The following RBM8A variants were observed in gnomAD, a reference collection of about 807,000 sequenced individuals.
The protein encoded by RBM8A is RNA-binding protein 8A.
In RBM8A, 8 loss-of-function variants were observed where a neutral mutation model predicts 25.1. The observed-to-expected ratio is 0.32, with a 90% CI of 0.19 to 0.58. The LOEUF (loss-of-function observed/expected upper bound fraction) is 0.58. RBM8A is among the 20% of genes least tolerant of loss of function. RBM8A has a pLI of 0.88. For synonymous variants in RBM8A, 66 were observed against 80.0 expected (o/e 0.82, Z 0.94); for missense variants, 114 against 236.8 (o/e 0.48, Z 3.40).
intron 4 of RBM8A, 36 bp downstream of exon 4, chr1:145,926,446 G>T (rs782603788): frequency 1.2e-6 from 2 of 1,609,664 alleles, no homozygotes; most frequent in Admixed American, 3.4e-5. Context: ...TAAGGCTTAT[G>T]AAAGAAAGGA....
rs1553755200 is a variant in RBM8A, at chr1:145,923,119, CAG to C, written c.*2761_*2762del. 1 of 152,036 alleles carries C rather than the reference CAG, an allele frequency of 6.6e-6. No individual in the cohort carries two copies. The highest frequency in any genetic ancestry group is 6.6e-5 in the Admixed American group (1 of 15,238). 9.4% of individuals were successfully genotyped at this position (152,036 alleles called of 1,614,324 possible). On this transcript the variant is annotated 3_prime_UTR_variant, in exon 6 of 6. Coordinates refer to ENST00000583313, the MANE Select transcript of RBM8A (RefSeq NM_005105.5). The stretch of plus-strand genomic sequence containing the variant: ...TAGTTTTTTGTATCTTTAGTACAGA[CAG>C]GGTTTCACTGTGTTAGCCAGGATGG...
At position 145,922,853 on chromosome 1, in the gene RBM8A, C is replaced by G. The variant is rs1041567900; in HGVS notation, c.*3029G>C. ...TGTTTCTACAGTACGTGGTAAATGGCAATAAAACAGGATAAAGGAAAGATC... is the reference window on the plus strand; with the variant it reads ...TGTTTCTACAGTACGTGGTAAATGGGAATAAAACAGGATAAAGGAAAGATC... On this transcript the variant is annotated 3_prime_UTR_variant, in exon 6 of 6. Coordinates refer to ENST00000583313, the MANE Select transcript of RBM8A (RefSeq NM_005105.5). 4 of 151,482 alleles carry G rather than the reference C, an allele frequency of 2.6e-5. No individual in the cohort carries two copies. The highest frequency in any genetic ancestry group is 4.4e-5 in the Non-Finnish European group (3 of 67,948). The allele number at this position is 151,482 out of a possible 1,614,324, so 9.4% of individuals were successfully genotyped here. A position where few individuals can be genotyped will look rare whatever the true frequency, so the allele number is the denominator to read the frequency against.
chr1:145,925,017 G>C lies in RBM8A; in HGVS notation c.*865C>G. Reference sequence around the variant, plus strand: ...GCCTGAGCCACATCCTTTTCCTCTTGGGCCTCCTCAATGCTCCTTTGGATC... The same window carrying C: ...GCCTGAGCCACATCCTTTTCCTCTTCGGCCTCCTCAATGCTCCTTTGGATC... On this transcript the variant is annotated 3_prime_UTR_variant, in exon 6 of 6. Transcript: ENST00000583313. The C allele has an allele frequency of 3.6e-6, 1 of 277,190 alleles. No homozygotes were observed. Among genetic ancestry groups the C allele is most frequent in the Non-Finnish European group, 6.6e-6 (1 of 151,290 alleles). 17.2% of individuals were successfully genotyped at this position (277,190 alleles called of 1,614,324 possible).
rs1647836942 is a variant in RBM8A, at chr1:145,922,455, T to C, written c.*3427A>G. 1 of 152,234 alleles carries C rather than the reference T, an allele frequency of 6.6e-6. No individual in the cohort carries two copies. The highest frequency in any genetic ancestry group is 1.5e-5 in the Non-Finnish European group (1 of 68,036). 9.4% of individuals were successfully genotyped at this position (152,234 alleles called of 1,614,324 possible). A position where few individuals can be genotyped will look rare whatever the true frequency, so the allele number is the denominator to read the frequency against. On this transcript the variant is annotated 3_prime_UTR_variant, in exon 6 of 6. Coordinates refer to ENST00000583313, the MANE Select transcript of RBM8A (RefSeq NM_005105.5). ...TCGGCTCTACTGCTAACTAGCTATATGATTTTGGCTAAGGCACTTGAAATC... is the reference window on the plus strand; with the variant it reads ...TCGGCTCTACTGCTAACTAGCTATACGATTTTGGCTAAGGCACTTGAAATC...
At position 145,926,589 on chromosome 1, in the gene RBM8A, C is replaced by T. The variant is rs1553755956; in HGVS notation, c.235G>A (p.Gly79Arg). The change falls in exon 4 of 6, where the codon GGA becomes AGA. Residue 79 changes from glycine (G) to arginine (R), a missense_variant. Gly to Arg is a moderately radical substitution (Grantham distance 125, BLOSUM62 -2). Transcript: ENST00000583313. ...TCTTCGGTGGCTTCCTCATGGACTCCAGTTACAAAGAGAATCCAGCCTTCA... is the reference window on the plus strand; with the variant it reads ...TCTTCGGTGGCTTCCTCATGGACTCTAGTTACAAAGAGAATCCAGCCTTCA... ...SVEGWILFVT[G>R]VHEEATEEDI... The T allele has an allele frequency of 1.2e-6, 2 of 1,613,922 alleles. No homozygotes were observed. Among genetic ancestry groups the T allele is most frequent in the African/African-American group, 2.7e-5 (2 of 74,880 alleles).
chr1:145,926,387 A>C, intron 4 of RBM8A, 95 bp downstream of exon 4: 1 of 1,524,976 alleles, frequency 6.6e-7, no homozygotes, highest in Non-Finnish European at 8.9e-7. Flanking sequence ...ATTTTATTTC[A>C]ACTTTGCTCT....
intron 5 of RBM8A, 35 bp from the exon 6 acceptor site, chr1:145,925,962 G>C: frequency 3.1e-6 from 5 of 1,614,152 alleles, no homozygotes; most frequent in Non-Finnish European, 4.2e-6. Context: ...GAGTCCATTA[G>C]AGGGACATAA....
Position 145,926,581 on chromosome 1 carries a change from A to G in RBM8A, c.243T>C (p.His81=). The G allele has an allele frequency of 6.2e-7, 1 of 1,614,056 alleles. No homozygotes were observed. Among genetic ancestry groups the G allele is most frequent in the East Asian group, 2.2e-5 (1 of 44,880 alleles). Residue 81 remains histidine (H), a synonymous_variant, in exon 4 of 6, where the codon CAT becomes CAC. Coordinates refer to ENST00000583313, the MANE Select transcript of RBM8A (RefSeq NM_005105.5). The part of the protein sequence containing the change: ...EGWILFVTGV[H]EEATEEDIHD... ...GTATGTCTTCTTCGGTGGCTTCCTCATGGACTCCAGTTACAAAGAGAATCC... is the reference window on the plus strand; with the variant it reads ...GTATGTCTTCTTCGGTGGCTTCCTCGTGGACTCCAGTTACAAAGAGAATCC...
intron 3 of RBM8A, 38 bp from the exon 4 acceptor site, chr1:145,926,656 G>C (rs1487773098): frequency 6.2e-7 from 1 of 1,613,138 alleles, no homozygotes; most frequent in Non-Finnish European, 8.5e-7. Context: ...GAGTACATGA[G>C]AGACACTTTA....
At chr1:145,926,703 A>T in intron 3 of RBM8A, 85 bp from the exon 4 acceptor site, 1 of 1,612,658 alleles carries the variant, frequency 6.2e-7, no homozygotes, top group Non-Finnish European at 8.5e-7. Flanking sequence ...GCGGACTCAG[A>T]TTGTTTAAGC....
chr1:145,925,993 T>C, intron 5 of RBM8A, 48 bp downstream of exon 5: 1 of 1,614,214 alleles, frequency 6.2e-7, no homozygotes, highest in East Asian at 2.2e-5. Flanking sequence ...TCATTCTGTT[T>C]CGTTCGTATT....
rs1352728916 is a variant in RBM8A, at chr1:145,924,060, G to T, written c.*1822C>A. On this transcript the variant is annotated 3_prime_UTR_variant, in exon 6 of 6. Coordinates refer to ENST00000583313, the MANE Select transcript of RBM8A (RefSeq NM_005105.5). ...TCTCAGCACTGTGCTGCTTCACTTGGAATTAAGGATGAATTGGGAGGAGAC... is the reference window on the plus strand; with the variant it reads ...TCTCAGCACTGTGCTGCTTCACTTGTAATTAAGGATGAATTGGGAGGAGAC... 2 of 700,678 alleles carry T rather than the reference G, an allele frequency of 2.9e-6. No homozygotes were observed. Among genetic ancestry groups the T allele is most frequent in the African/African-American group, 1.8e-5 (1 of 56,934 alleles). The allele number at this position is 700,678 out of a possible 1,614,324, so 43.4% of individuals were successfully genotyped here. A position where few individuals can be genotyped will look rare whatever the true frequency, so the allele number is the denominator to read the frequency against.
In RBM8A at chr1:145,926,868, C is replaced by G; in HGVS notation, c.146G>C (p.Arg49Pro). The G allele has an allele frequency of 1.2e-6, 2 of 1,614,142 alleles. No individual in the cohort carries two copies. The highest frequency in any genetic ancestry group is 1.7e-6 in the Non-Finnish European group (2 of 1,180,036). Residue 49 changes from arginine (R) to proline (P), a missense_variant, in exon 3 of 6, where the codon CGG (arginine) becomes CCG (proline). Physicochemically the swap from Arg to Pro is moderately radical, Grantham distance 103 (BLOSUM62 -2). Coordinates refer to ENST00000583313, the MANE Select transcript of RBM8A (RefSeq NM_005105.5). The part of the protein sequence containing the change: ...GFGSEEGSRA[R>P]MREDYDSVEQ... ...CACGCTGTCATAATCCTCACGCATCCGCGCTCGGGACCCCTCTTCTATAAG... is the reference window on the plus strand; with the variant it reads ...CACGCTGTCATAATCCTCACGCATCGGCGCTCGGGACCCCTCTTCTATAAG...
At chr1:145,926,214 T>C (rs781980691) in intron 4 of RBM8A, 37 bp from the exon 5 acceptor site, 3 of 1,607,366 alleles carry the variant, frequency 1.9e-6, no homozygotes, top group East Asian at 2.2e-5. Context: ...AAAACCCTCC[T>C]ATTTCCCCAA....
At position 145,925,501 on chromosome 1, in the gene RBM8A, G is replaced by A. The variant is rs375871391; in HGVS notation, c.*381C>T. On this transcript the variant is annotated 3_prime_UTR_variant, in exon 6 of 6. Transcript: ENST00000583313. ...TGTGCCTGTAATCCCAACTACTAGGGACAGTGAGGCAGAAGGATGGCTTGA... is the reference window on the plus strand; with the variant it reads ...TGTGCCTGTAATCCCAACTACTAGGAACAGTGAGGCAGAAGGATGGCTTGA... 16 of 350,940 alleles carry A rather than the reference G, an allele frequency of 4.6e-5. No homozygotes were observed. The East Asian group carries it at 9.9e-4, about 22-fold the overall frequency. The allele number at this position is 350,940 out of a possible 1,614,324, so 21.7% of individuals were successfully genotyped here. A position where few individuals can be genotyped will look rare whatever the true frequency, so the allele number is the denominator to read the frequency against.
chr1:145,926,685 G>A (rs1553755982), intron 3 of RBM8A, 67 bp from the exon 4 acceptor site: 1 of 1,612,192 alleles, frequency 6.2e-7, no homozygotes, highest in East Asian at 2.2e-5. Context: ...CACAGGAATA[G>A]AGTGAGTGCG....
rs1648086352 is a variant in RBM8A at position 145,925,338 on chromosome 1, C to G, written c.*544G>C. On this transcript the variant is annotated 3_prime_UTR_variant, in exon 6 of 6. Coordinates refer to ENST00000583313, the MANE Select transcript of RBM8A (RefSeq NM_005105.5). ...CCTAGTTCCCCCCAAAAAAGAAATA[C>G]TGACCAGTGTCTCTACTTTAAACCC... 2.9e-6 allele frequency: 1 copy of G among 339,502 alleles called. No homozygotes were observed. Among genetic ancestry groups the G allele is most frequent in the Admixed American group, 4.1e-5 (1 of 24,294 alleles). 21.0% of individuals were successfully genotyped at this position (339,502 alleles called of 1,614,324 possible). A position where few individuals can be genotyped will look rare whatever the true frequency, so the allele number is the denominator to read the frequency against.
In RBM8A at chr1:145,926,506, G is replaced by A. The variant is rs139097271; in HGVS notation, c.318C>T (p.Leu106=). The change falls in exon 4 of 6, where the codon CTC becomes CTT. Residue 106 remains leucine (L), a synonymous_variant. Transcript: ENST00000583313. ...YGEIKNIHLN[L]DRRTGYLKGY... is the part of the protein sequence containing the mutation. ...CCTTCAGATATCCTGTTCGCCTGTC[G>A]AGGTTGAGATGAATGTTTTTAATTT... 797 of 1,614,078 alleles carry A rather than the reference G, an allele frequency of 4.9e-4. 2 individuals are homozygous for A. Among genetic ancestry groups the A allele is most frequent in the Non-Finnish European group, 2.5e-4 (291 of 1,180,020 alleles).
rs1648150496 is a variant in RBM8A, at chr1:145,926,240, T to C, written c.343-63A>G. ...ATTTCCCCAAGTATCACTGAGTATC[T>C]TTTTCCTCAAATCTAAACTCAGAAA... On this transcript the variant is annotated intron_variant, in intron 4 of 5. Transcript: ENST00000583313. The C allele has an allele frequency of 4.4e-6, 7 of 1,592,742 alleles. 1 individual carries two copies. The highest frequency in any genetic ancestry group is 6.0e-6 in the Non-Finnish European group (7 of 1,165,094).
Sources: allele counts gnomAD v4.1 joint callset, GRCh38; gene constraint gnomAD v4.1.1; transcripts MANE v1.5; gene names NCBI Gene and HGNC (gene_info 2026-07-23, HGNC 2026-07-21).